Variants in CEACAM4 observed in about 807,000 individuals in gnomAD.
CEACAM4 encodes cell adhesion molecule CEACAM4.
CEACAM4 carries 30 observed loss-of-function variants against 28.7 expected under a neutral mutation model. That is an observed-to-expected ratio of 1.05 (90% CI 0.78 to 1.42). CEACAM4 has a LOEUF of 1.42. CEACAM4 is among the 40% of genes most tolerant of loss of function. The pLI is 0.00. For missense variants in CEACAM4, 330 were observed against 308.2 expected, an observed-to-expected ratio of 1.07 and a Z score of -0.53; for synonymous variants, 143 against 126.5, an observed-to-expected ratio of 1.13 and a Z score of -0.87.
At chr19:41,622,863 T>C (rs1426844850) in intron 2 of CEACAM4, among the ~76,000 whole-genome samples, 3 of 123,794 alleles carry the variant, frequency 2.4e-5, no homozygotes, top group Admixed American at 2.2e-4. Context: ...TATAGATAGA[T>C]AGATAGATAG....
chr19:41,625,494 C>G, intron 2 of CEACAM4, 107 bp downstream of exon 2: 1 of 1,358,540 alleles, frequency 7.4e-7, no homozygotes, highest in Non-Finnish European at 1.0e-6. Context: ...AATCTCAACA[C>G]GGGACAAAAT....
chr19:41,613,740 A>C, the CEACAM4 span, among the ~76,000 whole-genome samples: 1 of 152,120 alleles, frequency 6.6e-6, no homozygotes, highest in African/African-American at 2.4e-5. Context: ...GGGCAGTCAT[A>C]CGGGCTGTAT....
chr19:41,619,686 G>A lies in CEACAM4; in HGVS notation c.653C>T (p.Ala218Val). 1.3e-6 allele frequency: 2 copies of A among 1,593,576 alleles called. No individual in the cohort carries two copies. Among genetic ancestry groups the A allele is most frequent in the Non-Finnish European group, 1.7e-6 (2 of 1,169,306 alleles). Residue 218 changes from alanine to valine, a missense_variant, in exon 6 of 7, where the codon GCC becomes GTC. Physicochemically the swap from Ala to Val is moderately conservative, Grantham distance 64 (BLOSUM62 0). Coordinates refer to ENST00000221954, the MANE Select transcript of CEACAM4 (RefSeq NM_001817.4). ...FSAPLPSPRT[A>V]TPIYEELLYS... ...CACACTCACCTCATAGATGGGAGTG[G>A]CTGTTCTGGGGCTGGGTAGAGGGGC...
intron 1 of CEACAM4, among the ~76,000 whole-genome samples, chr19:41,626,238 TC>T (rs757661185): frequency 6.6e-6 from 1 of 152,080 alleles, no homozygotes; most frequent in Non-Finnish European, 1.5e-5. Flanking sequence ...TGCCCTCAGA[TC>T]CTGCTCACAT....
At chr19:41,614,683 A>G (rs969566102), downstream of CEACAM4, among the ~76,000 whole-genome samples, 6 of 152,180 alleles carry the variant, frequency 3.9e-5, no homozygotes, top group Admixed American at 1.3e-4. Context: ...TCCCTCTGCC[A>G]GTCCTTCCAA....
rs1372137419 is a variant in CEACAM4 at position 41,619,040 on chromosome 19, G to C, written c.*290C>G. The C allele has an allele frequency of 4.3e-6, 2 of 467,384 alleles. No individual in the cohort carries two copies. Among genetic ancestry groups the C allele is most frequent in the Non-Finnish European group, 7.5e-6 (2 of 265,588 alleles). The allele number at this position is 467,384 out of a possible 1,614,324, so 29.0% of individuals were successfully genotyped here. ...TGAGAGGAAGGGTCCTCTTTATTCA[G>C]ATCCTTTCCTGGTGACCCCGGGTGG... On this transcript the variant is annotated 3_prime_UTR_variant, in exon 7 of 7. Coordinates refer to ENST00000221954, the MANE Select transcript of CEACAM4 (RefSeq NM_001817.4).
intron 2 of CEACAM4, among the ~76,000 whole-genome samples, chr19:41,624,315 G>C (rs1224048229): frequency 3.9e-5 from 6 of 152,152 alleles, no homozygotes; most frequent in Non-Finnish European, 8.8e-5. Flanking sequence ...GCCCTGGCTG[G>C]TGCAGGGTGT....
downstream of CEACAM4, among the ~76,000 whole-genome samples, chr19:41,616,780 G>T (rs1028712697): frequency 6.6e-6 from 1 of 152,030 alleles, no homozygotes; most frequent in East Asian, 1.9e-4. Context: ...TGCTTCAAAG[G>T]TCAGGCACAG....
chr19:41,620,595 G>T lies in CEACAM4; in HGVS notation c.575C>A (p.Pro192Gln). 6.2e-7 allele frequency: 1 copy of T among 1,612,420 alleles called. No individual in the cohort carries two copies. Among genetic ancestry groups the T allele is most frequent in the Non-Finnish European group, 8.5e-7 (1 of 1,179,108 alleles). ...ASIQRDLREQ[P>Q]PPASTPGHGP... ...CTCACCAGGGGTGGAGGCTGGGGGC[G>T]GCTGCTCCCTGAGGTCACGCTGGAT... The change falls in exon 4 of 7, where the codon CCG becomes CAG. Residue 192 changes from proline (P) to glutamine (Q), a missense_variant. By Grantham distance (76) the Pro-to-Gln change is moderately conservative. Coordinates refer to ENST00000221954, the MANE Select transcript of CEACAM4 (RefSeq NM_001817.4).
downstream of CEACAM4, among the ~76,000 whole-genome samples, chr19:41,618,677 A>G (rs1473034887): frequency 6.6e-6 from 1 of 152,118 alleles, no homozygotes; most frequent in Non-Finnish European, 1.5e-5. Flanking sequence ...CGCATTGCTC[A>G]CCTTTTGTGG....
At chr19:41,614,506 T>G (rs78329664), downstream of CEACAM4, among the ~76,000 whole-genome samples, 1,750 of 152,342 alleles carry the variant, frequency 0.011, 23 homozygotes, top group Non-Finnish European at 0.013. Flanking sequence ...TCACCTTTCT[T>G]GGCATAATTA....
intron 2 of CEACAM4, among the ~76,000 whole-genome samples, chr19:41,622,853 T>TATATATAGATAGATAG (rs201784352): frequency 7.6e-6 from 1 of 132,244 alleles, no homozygotes; most frequent in African/African-American, 3.1e-5. Flanking sequence ...TATACATATA[T>TATATATAGATAGATAG]ATAGATAGAT....
chr19:41,623,946 C>T (rs1326797640), intron 2 of CEACAM4, among the ~76,000 whole-genome samples: 1 of 152,104 alleles, frequency 6.6e-6, no homozygotes, highest in Non-Finnish European at 1.5e-5. Context: ...TGAAAACCTT[C>T]CCACAGCCCT....
intron 5 of CEACAM4, 68 bp downstream of exon 5, chr19:41,620,143 G>A: frequency 7.3e-7 from 1 of 1,366,450 alleles, no homozygotes; most frequent in South Asian, 1.4e-5. Context: ...GGGGTTGATG[G>A]TCCCCCTGCC....
In CEACAM4 at chr19:41,620,209, A is replaced by G; in HGVS notation, c.627+2T>C. ...AAAGGGCTGGGGAGGGAACAGGCTT[A>G]CCGAGAAGGTGGATCTGTGAGAGGG... On this transcript the variant is annotated splice_donor_variant, in intron 5 of 6. Transcript: ENST00000221954. LOFTEE classifies it high-confidence loss of function. The G allele has an allele frequency of 6.7e-7, 1 of 1,491,464 alleles. No individual in the cohort carries two copies. The allele number at this position is 1,491,464 out of a possible 1,614,324, so 92.4% of individuals were successfully genotyped here. A position where few individuals can be genotyped will look rare whatever the true frequency, so the allele number is the denominator to read the frequency against.
At chr19:41,617,739 G>C (rs1234394509), downstream of CEACAM4, among the ~76,000 whole-genome samples, 2 of 152,158 alleles carry the variant, frequency 1.3e-5, no homozygotes, top group Admixed American at 1.3e-4. Flanking sequence ...CTAGGAGGTG[G>C]AAAAGGAGAG....
At chr19:41,626,819 C>T (rs1301207706) in intron 1 of CEACAM4, 81 bp downstream of exon 1, 8 of 1,296,698 alleles carry the variant, frequency 6.2e-6, no homozygotes, top group Non-Finnish European at 8.8e-6. Flanking sequence ...GCCAGAAGCC[C>T]TCTATCCCCT....
chr19:41,622,918 C>T (rs1197198856), intron 2 of CEACAM4, among the ~76,000 whole-genome samples: 1 of 148,888 alleles, frequency 6.7e-6, no homozygotes, highest in Non-Finnish European at 1.5e-5. Context: ...TGTTGTTATT[C>T]TTTCTTAGCC....
At chr19:41,620,948 C>T (rs1555801167) in intron 3 of CEACAM4, among the ~76,000 whole-genome samples, 1 of 151,866 alleles carries the variant, frequency 6.6e-6, no homozygotes, top group Non-Finnish European at 1.5e-5. Context: ...GGGTCAAGGC[C>T]CCAGAGGGAA....
Sources: gnomAD v4.1 joint callset for allele counts (sites outside exome capture counted in the v4.1 genomes callset) on GRCh38, gnomAD v4.1.1 for gene constraint, MANE v1.5 for transcripts, NCBI Gene and HGNC (gene_info 2026-07-23, HGNC 2026-07-21) for gene names.